The following RNF144A variants were observed in gnomAD, a reference collection of about 807,000 sequenced individuals.
RNF144A encodes the protein E3 ubiquitin-protein ligase RNF144A.
In RNF144A, 11 loss-of-function variants were observed where a neutral mutation model predicts 38.7. The observed-to-expected ratio is 0.28, with a 90% confidence interval of 0.18 to 0.47. The LOEUF (loss-of-function observed/expected upper bound fraction) is 0.47, where lower values mean the gene tolerates loss of function less well. Among genes scored for constraint, RNF144A ranks in the 20% least tolerant of loss-of-function variants. The pLI is 0.99. For synonymous variants in RNF144A, 149 were observed against 143.9 expected (o/e 1.04, Z -0.25); for missense variants, 316 against 377.2 (o/e 0.84, Z 1.34).
At chr2:7,052,760 C>T (rs192001739) in intron 6 of RNF144A, among the ~76,000 whole-genome samples, 93 of 151,984 alleles carry the variant, frequency 6.1e-4, no homozygotes, top group Non-Finnish European at 1.3e-3. Context: ...ACTCGTTTAC[C>T]GAGGACCTTC....
At chr2:7,073,877 A>G in the RNF144A span, among the ~76,000 whole-genome samples, 9 of 152,258 alleles carry the variant, frequency 5.9e-5, no homozygotes, top group African/African-American at 2.2e-4. Flanking sequence ...GCAAGGGCAT[A>G]GGGGAGGCCC....
intron 3 of RNF144A, among the ~76,000 whole-genome samples, chr2:6,998,795 G>T (rs1040998387): frequency 4.0e-5 from 6 of 151,622 alleles, no homozygotes; most frequent in African/African-American, 1.5e-4. Context: ...CGTCAAGATG[G>T]ATTCAATAAC....
chr2:6,995,211 T>C (rs529171148), intron 2 of RNF144A, among the ~76,000 whole-genome samples: 11 of 151,984 alleles, frequency 7.2e-5, no homozygotes, highest in African/African-American at 2.7e-4. Flanking sequence ...TGATGTAATT[T>C]TTTTTTTTTT....
rs35410517 is a variant in RNF144A, at chr2:7,056,048, A to G, written c.735-12168A>G. Reference sequence around the variant, plus strand: ...AGGCTTTATTTCCTTCCCCAGCCCTAGCCCAGTGGTTTGCTGGGAATTTCT... The same window carrying G: ...AGGCTTTATTTCCTTCCCCAGCCCTGGCCCAGTGGTTTGCTGGGAATTTCT... On this transcript the variant is annotated intron_variant, in intron 6 of 6. Transcript: ENST00000432850. Among the ~76,000 whole-genome samples, 491 of 152,252 alleles carry G rather than the reference A, an allele frequency of 3.2e-3. 3 individuals carry two copies. The highest frequency in any genetic ancestry group is 5.5e-3 in the Non-Finnish European group (376 of 68,014).
intron 6 of RNF144A, among the ~76,000 whole-genome samples, chr2:7,066,527 T>C (rs1021555103): frequency 6.6e-6 from 1 of 152,262 alleles, no homozygotes; most frequent in African/African-American, 2.4e-5. Flanking sequence ...AACATTTTTA[T>C]TTTATGATAA....
intron 5 of RNF144A, among the ~76,000 whole-genome samples, chr2:7,017,570 C>G (rs1671222118): frequency 6.6e-6 from 1 of 152,158 alleles, no homozygotes; most frequent in Non-Finnish European, 1.5e-5. Flanking sequence ...AAAGGAAAGC[C>G]ACCTTTTTAA....
chr2:7,034,104 A>C (rs1672506380), intron 8 of RNF144A, among the ~76,000 whole-genome samples: 1 of 152,166 alleles, frequency 6.6e-6, no homozygotes, highest in Non-Finnish European at 1.5e-5. Flanking sequence ...GTTCGTCCCC[A>C]TTCAAAGACA....
At chr2:6,995,853 G>A (rs551127223) in intron 2 of RNF144A, among the ~76,000 whole-genome samples, 1 of 152,286 alleles carries the variant, frequency 6.6e-6, no homozygotes, top group South Asian at 2.1e-4. Flanking sequence ...ATCCAATCAA[G>A]TTGGCACTCA....
chr2:6,959,641 C>A (rs1252679476), intron 2 of RNF144A, among the ~76,000 whole-genome samples: 3 of 152,252 alleles, frequency 2.0e-5, no homozygotes, highest in East Asian at 1.9e-4. Context: ...GAAAGAAAAC[C>A]AAAGTGGCTT....
chr2:6,989,351 C>A (rs998315383), intron 2 of RNF144A, among the ~76,000 whole-genome samples: 4 of 152,206 alleles, frequency 2.6e-5, no homozygotes, highest in Non-Finnish European at 4.4e-5. Context: ...GTCTACCATC[C>A]CTTTACTTAT....
intron 3 of RNF144A, among the ~76,000 whole-genome samples, chr2:7,008,460 G>T (rs1399426510): frequency 6.6e-6 from 1 of 152,184 alleles, no homozygotes; most frequent in Non-Finnish European, 1.5e-5. Context: ...TGGCCTTCCT[G>T]CCCCGAGTGG....
At chr2:6,977,587 A>T (rs561288170) in intron 2 of RNF144A, among the ~76,000 whole-genome samples, 8 of 152,354 alleles carry the variant, frequency 5.3e-5, no homozygotes, top group African/African-American at 1.9e-4. Flanking sequence ...GCATAAAATG[A>T]TCTCTGTTAC....
intron 2 of RNF144A, among the ~76,000 whole-genome samples, chr2:6,954,155 A>G (rs1182135298): frequency 6.6e-6 from 1 of 152,084 alleles, no homozygotes; most frequent in Non-Finnish European, 1.5e-5. Context: ...TTTCTTGGCT[A>G]TCAAGCTTAA....
At chr2:7,003,191 A>G (rs1370896012) in intron 3 of RNF144A, among the ~76,000 whole-genome samples, 2 of 152,232 alleles carry the variant, frequency 1.3e-5, no homozygotes, top group Non-Finnish European at 2.9e-5. Context: ...AAAAGTTTAC[A>G]AAGTAAAAAA....
chr2:7,066,443 T>G (rs1010161283), intron 6 of RNF144A, among the ~76,000 whole-genome samples: 1 of 152,224 alleles, frequency 6.6e-6, no homozygotes, highest in African/African-American at 2.4e-5. Context: ...GGTAATGTAT[T>G]TCTTTGTGAA....
chr2:6,922,762 C>T (rs1386911992), intron 1 of RNF144A, among the ~76,000 whole-genome samples: 1 of 151,830 alleles, frequency 6.6e-6, no homozygotes, highest in African/African-American at 2.4e-5. Context: ...GTAGCTGGGA[C>T]TACAGGCGCC....
At chr2:6,977,100 G>A (rs534914951) in intron 2 of RNF144A, among the ~76,000 whole-genome samples, 1 of 152,220 alleles carries the variant, frequency 6.6e-6, no homozygotes, top group Non-Finnish European at 1.5e-5. Context: ...AAAAGTGTTA[G>A]TTCATTGTAT....
downstream of RNF144A, among the ~76,000 whole-genome samples, chr2:7,068,569 G>A (rs1464662550): frequency 2.0e-5 from 3 of 152,222 alleles, no homozygotes; most frequent in Non-Finnish European, 4.4e-5. Flanking sequence ...GAGAGGAAGA[G>A]CATTTCAAAA....
In RNF144A at chr2:6,930,385, A is replaced by G. The variant is rs561666983; in HGVS notation, c.-211-10563A>G. 1.4e-4 allele frequency among the ~76,000 whole-genome samples: 21 copies of G among 152,198 alleles called. 1 individual carries two copies. The South Asian group carries it at 3.5e-3, about 26-fold the overall frequency. ...ATTTTTTTATTTTTCAATTATGGTT[A>G]TATTTCATTTTTAGTGAAGTAAATT... On this transcript the variant is annotated intron_variant, in intron 1 of 8. Coordinates refer to ENST00000320892, the MANE Select transcript of RNF144A (RefSeq NM_014746.6).
Sources: gnomAD v4.1 joint callset for allele counts (sites outside exome capture counted in the v4.1 genomes callset) on GRCh38, gnomAD v4.1.1 for gene constraint, MANE v1.5 for transcripts, NCBI Gene and HGNC (gene_info 2026-07-23, HGNC 2026-07-21) for gene names.